The following LINGO2 variants were observed in gnomAD, a reference collection of about 807,000 sequenced individuals.
The protein encoded by LINGO2 is leucine rich repeat and Ig domain containing 2, also known as leucine-rich repeat and immunoglobulin-like domain-containing nogo receptor-interacting protein 2.
A neutral mutation model predicts 30.6 loss-of-function variants in LINGO2; 14 were observed. The ratio of observed to expected loss-of-function variants is 0.46; its 90% confidence interval spans 0.30 to 0.72. LINGO2 has a LOEUF of 0.72. Among genes scored for constraint, LINGO2 ranks in the 30% least tolerant of loss-of-function variants. The pLI is 0.07. For synonymous variants in LINGO2, 317 were observed against 288.5 expected (o/e 1.10, Z -1.00); for missense variants, 729 against 751.7 (o/e 0.97, Z 0.35).
chr9:28,611,538 A>AT (rs903167481), intron 1 of LINGO2, among the ~76,000 whole-genome samples: 5 of 151,988 alleles, frequency 3.3e-5, no homozygotes, highest in African/African-American at 1.2e-4. Context: ...TATCTCTCTA[A>AT]TTTTCACACC....
At chr9:28,489,540 T>C (rs1826304029) in intron 1 of LINGO2, among the ~76,000 whole-genome samples, 4 of 152,114 alleles carry the variant, frequency 2.6e-5, no homozygotes, top group Admixed American at 2.6e-4. Context: ...TTTTGTTCTC[T>C]TGTCTGTTCT....
chr9:28,967,502 T>C, the LINGO2 span, among the ~76,000 whole-genome samples: 1 of 152,152 alleles, frequency 6.6e-6, no homozygotes, highest in Admixed American at 6.6e-5. Flanking sequence ...ACCTGGGGCA[T>C]TCCTCCACAT....
intron 4 of LINGO2, among the ~76,000 whole-genome samples, chr9:28,189,681 A>G (rs199984332): frequency 0.027 from 397 of 14,576 alleles, 4 homozygotes; most frequent in East Asian, 0.07. Flanking sequence ...GGAAGGAAGG[A>G]AGGGAGGAAG....
chr9:28,860,524 C>T, the LINGO2 span, among the ~76,000 whole-genome samples: 1 of 151,858 alleles, frequency 6.6e-6, no homozygotes, highest in Non-Finnish European at 1.5e-5. Flanking sequence ...CATGCTTCCA[C>T]AATTATGTGA....
At chr9:28,741,787 T>C in the LINGO2 span, among the ~76,000 whole-genome samples, 2 of 151,662 alleles carry the variant, frequency 1.3e-5, no homozygotes, top group East Asian at 3.9e-4. Flanking sequence ...TGGCCTAGAG[T>C]CTGGGTCTGC....
chr9:28,287,975 T>C (rs1350747101), intron 4 of LINGO2, among the ~76,000 whole-genome samples: 43 of 152,154 alleles, frequency 2.8e-4, no homozygotes, highest in Non-Finnish European at 1.5e-5. Flanking sequence ...AATAACAGAA[T>C]CCATGAAGGA....
At chr9:28,233,844 G>A (rs1821462145) in intron 4 of LINGO2, among the ~76,000 whole-genome samples, 1 of 152,138 alleles carries the variant, frequency 6.6e-6, no homozygotes, top group Non-Finnish European at 1.5e-5. Flanking sequence ...GGCAAAAAGG[G>A]ATCCTGTTGC....
chr9:28,135,371 G>A (rs1827489880), intron 4 of LINGO2, among the ~76,000 whole-genome samples: 1 of 151,610 alleles, frequency 6.6e-6, no homozygotes, highest in Non-Finnish European at 1.5e-5. Context: ...GAGTAAAGAA[G>A]GCAAGATTAA....
the LINGO2 span, among the ~76,000 whole-genome samples, chr9:28,894,061 T>C: frequency 2.0e-5 from 3 of 152,272 alleles, no homozygotes; most frequent in South Asian, 2.1e-4. Context: ...TTCATCCATG[T>C]CCCTACAAAG....
chr9:28,534,006 C>T (rs184426835), intron 1 of LINGO2, among the ~76,000 whole-genome samples: 2 of 152,080 alleles, frequency 1.3e-5, no homozygotes, highest in African/African-American at 2.4e-5. Flanking sequence ...TGTTGTTAGG[C>T]CTTTTCAACT....
chr9:28,060,220 G>A (rs912827121), intron 4 of LINGO2, among the ~76,000 whole-genome samples: 2 of 152,040 alleles, frequency 1.3e-5, no homozygotes, highest in Non-Finnish European at 2.9e-5. Context: ...CATCTCCTGG[G>A]AATTAGAGGC....
chr9:28,866,257 A>G, the LINGO2 span, among the ~76,000 whole-genome samples: 3 of 152,188 alleles, frequency 2.0e-5, no homozygotes, highest in Non-Finnish European at 4.4e-5. Context: ...CTTCAAAAAT[A>G]GGCAGTTATT....
chr9:28,710,477 T>A, the LINGO2 span, among the ~76,000 whole-genome samples: 54 of 152,296 alleles, frequency 3.5e-4, no homozygotes, highest in Non-Finnish European at 7.2e-4. Flanking sequence ...AGATGCCTAT[T>A]TAGCTAGAGA....
At chr9:28,330,744 T>C (rs951275171) in intron 3 of LINGO2, among the ~76,000 whole-genome samples, 1 of 152,180 alleles carries the variant, frequency 6.6e-6, no homozygotes, top group Non-Finnish European at 1.5e-5. Context: ...TCTTTTAACA[T>C]CCTGTTTCTT....
In LINGO2 at chr9:28,237,003, T is replaced by A. The variant is rs143411740; in HGVS notation, c.-87+58205A>T. Among the ~76,000 whole-genome samples the A allele has an allele frequency of 8.2e-3, 1,247 of 151,546 alleles. 21 individuals carry two copies. The highest frequency in any genetic ancestry group is 0.029 in the African/African-American group (1,195 of 41,284). On this transcript the variant is annotated intron_variant, in intron 4 of 5. Transcript: ENST00000379992. ...ATACCAGAATATCTCGGGTACCCCA[T>A]ATTTATATACAAGTACTATGTACTG...
At chr9:28,648,421 T>C (rs1187304972) in intron 1 of LINGO2, among the ~76,000 whole-genome samples, 1 of 152,122 alleles carries the variant, frequency 6.6e-6, no homozygotes, top group Non-Finnish European at 1.5e-5. Context: ...GTAGACATTC[T>C]TTTAAGGAGC....
the LINGO2 span, among the ~76,000 whole-genome samples, chr9:29,057,924 C>A: frequency 6.6e-6 from 1 of 152,104 alleles, no homozygotes; most frequent in African/African-American, 2.4e-5. Context: ...TAATAGAGTT[C>A]AACGACAAGG....
the LINGO2 span, among the ~76,000 whole-genome samples, chr9:29,096,015 G>T: frequency 7.2e-6 from 1 of 138,762 alleles, no homozygotes; most frequent in Non-Finnish European, 1.6e-5. Flanking sequence ...GGATCATGTT[G>T]GATTTCTCCC....
At chr9:28,727,199 C>T in the LINGO2 span, among the ~76,000 whole-genome samples, 2 of 152,088 alleles carry the variant, frequency 1.3e-5, no homozygotes, top group East Asian at 3.9e-4. Context: ...TTGACAGAGG[C>T]CCCAAACTAT....
Sources: gnomAD v4.1 joint callset for allele counts (sites outside exome capture counted in the v4.1 genomes callset) on GRCh38, gnomAD v4.1.1 for gene constraint, MANE v1.5 for transcripts, NCBI Gene and HGNC (gene_info 2026-07-23, HGNC 2026-07-21) for gene names.